The following RASGRF2 variants were observed in gnomAD, a reference collection of about 807,000 sequenced individuals.
RASGRF2 encodes the protein ras-specific guanine nucleotide-releasing factor 2.
In RASGRF2, 76 loss-of-function variants were observed where a neutral mutation model predicts 151.0. That is an observed-to-expected ratio of 0.50 (90% CI 0.42 to 0.61). The LOEUF (loss-of-function observed/expected upper bound fraction) is 0.61, where lower values mean the gene tolerates loss of function less well. Ranked by LOEUF, RASGRF2 falls within the 20% of genes least tolerant of loss-of-function variation. The pLI, the probability that RASGRF2 is intolerant of heterozygous loss-of-function variation, is 0.00. For synonymous variants in RASGRF2, 504 were observed against 566.5 expected, an observed-to-expected ratio of 0.89 and a Z score of 1.57; for missense variants, 1,148 against 1,564.6, an observed-to-expected ratio of 0.73 and a Z score of 4.49.
intron 1 of RASGRF2, among the ~76,000 whole-genome samples, chr5:80,976,715 G>A (rs1748126171): frequency 6.6e-6 from 1 of 152,190 alleles, no homozygotes; most frequent in African/African-American, 2.4e-5. Context: ...CTGGCACTGA[G>A]GATGTAGAAA....
At chr5:81,219,652 G>A in intron 25 of RASGRF2, 58 bp from the exon 26 acceptor site, 2 of 1,438,344 alleles carry the variant, frequency 1.4e-6, no homozygotes, top group South Asian at 2.3e-5. Flanking sequence ...CTGCAATGCA[G>A]GAAATACCTT....
At chr5:81,022,125 TC>T (rs1338909939) in intron 1 of RASGRF2, among the ~76,000 whole-genome samples, 1 of 152,098 alleles carries the variant, frequency 6.6e-6, no homozygotes, top group African/African-American at 2.4e-5. Context: ...TAGCAGATGG[TC>T]AGCATGCTAC....
chr5:81,180,933 C>G (rs908248973), intron 18 of RASGRF2, among the ~76,000 whole-genome samples: 1 of 152,046 alleles, frequency 6.6e-6, no homozygotes, highest in African/African-American at 2.4e-5. Context: ...CACTTTGCCC[C>G]CCTGATGTGA....
chr5:81,168,215 A>G (rs988258172), intron 17 of RASGRF2, among the ~76,000 whole-genome samples: 1 of 150,266 alleles, frequency 6.7e-6, no homozygotes, highest in Non-Finnish European at 1.5e-5. Flanking sequence ...CTCCTTAAGA[A>G]CTGTTCTCCT....
At chr5:81,062,497 G>A (rs1011385722) in intron 2 of RASGRF2, among the ~76,000 whole-genome samples, 1 of 151,844 alleles carries the variant, frequency 6.6e-6, no homozygotes, top group Non-Finnish European at 1.5e-5. Context: ...CTAATCCTGA[G>A]GTTTTCTTTC....
chr5:81,156,638 A>G (rs968208939), intron 17 of RASGRF2, among the ~76,000 whole-genome samples: 1 of 152,234 alleles, frequency 6.6e-6, no homozygotes, highest in Non-Finnish European at 1.5e-5. Flanking sequence ...AATATTTAAT[A>G]CCCATTCAAT....
chr5:80,996,327 G>C (rs544614299), intron 1 of RASGRF2, among the ~76,000 whole-genome samples: 53 of 151,850 alleles, frequency 3.5e-4, no homozygotes, highest in Non-Finnish European at 5.7e-4. Flanking sequence ...CTCTCTGTGT[G>C]TGTGATAATT....
rs529968935 is a variant in RASGRF2, at chr5:81,196,883, T to A, written c.2794-4447T>A. Among the ~76,000 whole-genome samples the A allele has an allele frequency of 7.9e-5, 12 of 152,270 alleles. No homozygotes were observed. The South Asian group carries it at 2.1e-3, about 26-fold the overall frequency. On this transcript the variant is annotated intron_variant, in intron 18 of 26. Coordinates refer to ENST00000265080, the MANE Select transcript of RASGRF2 (RefSeq NM_006909.3). ...TGGCTGAGAATGTAGTGCACAAAGA[T>A]TGATGAAAGTGAGAGCATTAACCGT...
intron 17 of RASGRF2, among the ~76,000 whole-genome samples, chr5:81,134,132 A>G (rs1460203100): frequency 1.4e-5 from 2 of 143,528 alleles, no homozygotes; most frequent in Non-Finnish European, 3.0e-5. Flanking sequence ...TACTGAGGTA[A>G]TGTCAGTTAA....
chr5:81,217,571 C>CTTATT, intron 25 of RASGRF2, 98 bp downstream of exon 25: 3 of 360,648 alleles, frequency 8.3e-6, no homozygotes, highest in Non-Finnish European at 1.2e-5. Flanking sequence ...TTTTTTTTCT[C>CTTATT]TTCTTTTTTT....
chr5:81,107,301 A>G (rs1752872817), intron 12 of RASGRF2, among the ~76,000 whole-genome samples: 1 of 152,024 alleles, frequency 6.6e-6, no homozygotes, highest in South Asian at 2.1e-4. Context: ...GTTTGAGGTT[A>G]CGGTGAGCTA....
chr5:81,127,355 C>A (rs1753485560), intron 17 of RASGRF2, among the ~76,000 whole-genome samples, 192 bp downstream of exon 17: 3 of 152,038 alleles, frequency 2.0e-5, no homozygotes. Context: ...GACCCCATCT[C>A]TATAAAAAAT....
chr5:81,187,836 A>T (rs1440333288), intron 18 of RASGRF2, among the ~76,000 whole-genome samples: 3 of 152,328 alleles, frequency 2.0e-5, no homozygotes, highest in Non-Finnish European at 1.5e-5. Context: ...GACAGATGAC[A>T]GGGGCGGCTT....
In RASGRF2 at chr5:81,086,916, C is replaced by T; in HGVS notation, c.1353C>T (p.Asp451=). The T allele has an allele frequency of 1.2e-6, 2 of 1,614,146 alleles. No homozygotes were observed. Among genetic ancestry groups the T allele is most frequent in the Non-Finnish European group, 1.7e-6 (2 of 1,179,990 alleles). Residue 451 remains aspartate (D), a synonymous_variant, in exon 9 of 27, where the codon GAC becomes GAT. Transcript: ENST00000265080. ...AIERMIVEGC[D]ILLDTSQTFI... is the part of the protein sequence containing the mutation. ...AAAGAATGATCGTGGAGGGCTGTGA[C>T]ATCTTGCTGGACACCAGCCAAACGT... is the stretch of plus-strand genomic sequence containing the variant.
At chr5:81,055,718 T>C (rs922866504) in intron 2 of RASGRF2, among the ~76,000 whole-genome samples, 93 of 152,298 alleles carry the variant, frequency 6.1e-4, no homozygotes, top group African/African-American at 2.1e-3. Context: ...CCAGCTCCTC[T>C]TTGTACCTCT....
intron 18 of RASGRF2, among the ~76,000 whole-genome samples, chr5:81,192,161 C>T (rs1053143015): frequency 2.0e-5 from 3 of 152,208 alleles, no homozygotes; most frequent in Admixed American, 1.3e-4. Flanking sequence ...AGGCACAGAG[C>T]TTACCAGATT....
rs1341731815 is a variant in RASGRF2 at position 81,110,466 on chromosome 5, G to T, written c.1838+1388G>T. Among the ~76,000 whole-genome samples the T allele has an allele frequency of 3.3e-5, 5 of 152,174 alleles. No homozygotes were observed. The East Asian group carries it at 9.6e-4, about 29-fold the overall frequency. On this transcript the variant is annotated intron_variant, in intron 13 of 26. Coordinates refer to ENST00000265080, the MANE Select transcript of RASGRF2 (RefSeq NM_006909.3). ...AATGTAATCACGATTTTGAAGGAAA[G>T]TGGTGTAATTAGTCAGTTTTATTTT...
rs1423482543 is a variant in RASGRF2, at chr5:80,991,914, G to A, written c.288+30888G>A. Reference sequence around the variant, plus strand: ...CCTTAGGTAAGAAAGTGCTGCCATGGCAGGTGAATTTAAAATGTAGGGAGA... The same window carrying A: ...CCTTAGGTAAGAAAGTGCTGCCATGACAGGTGAATTTAAAATGTAGGGAGA... On this transcript the variant is annotated intron_variant, in intron 1 of 26. Coordinates refer to ENST00000265080, the MANE Select transcript of RASGRF2 (RefSeq NM_006909.3). Among the ~76,000 whole-genome samples, 3 of 152,158 alleles carry A rather than the reference G, an allele frequency of 2.0e-5. No individual in the cohort carries two copies. The East Asian group carries it at 5.8e-4, about 29-fold the overall frequency.
At chr5:81,160,806 G>A (rs938800310) in intron 17 of RASGRF2, among the ~76,000 whole-genome samples, 17 of 150,878 alleles carry the variant, frequency 1.1e-4, no homozygotes, top group African/African-American at 4.1e-4. Context: ...AGGTGGTTGA[G>A]GCTCCTGTGA....
Sources: gnomAD v4.1 joint callset for allele counts (sites outside exome capture counted in the v4.1 genomes callset) on GRCh38, gnomAD v4.1.1 for gene constraint, MANE v1.5 for transcripts, NCBI Gene and HGNC (gene_info 2026-07-23, HGNC 2026-07-21) for gene names.